The following KCNJ6 variants were observed in gnomAD, a reference collection of about 807,000 sequenced individuals.
KCNJ6 encodes G protein-activated inward rectifier potassium channel 2.
A neutral mutation model predicts 34.2 loss-of-function variants in KCNJ6; 9 were observed. That is an observed-to-expected ratio of 0.26 (90% CI 0.16 to 0.46). KCNJ6 has a LOEUF of 0.46. KCNJ6 is among the 20% of genes least tolerant of loss of function. The probability of loss-of-function intolerance (pLI) is 1.00; values close to 1 mark genes in which losing one functional copy is unlikely to be tolerated. For synonymous variants in KCNJ6, 196 were observed against 207.1 expected, an observed-to-expected ratio of 0.95 and a Z score of 0.46; for missense variants, 236 against 531.3, an observed-to-expected ratio of 0.44 and a Z score of 5.46.
At chr21:37,773,058 G>A (rs1259083222) in intron 2 of KCNJ6, among the ~76,000 whole-genome samples, 5 of 152,182 alleles carry the variant, frequency 3.3e-5, no homozygotes, top group Admixed American at 1.3e-4. Flanking sequence ...GGCAGTTCCA[G>A]GGCCTTCAGG....
At position 37,641,550 on chromosome 21, in the gene KCNJ6, C is replaced by T. The variant is rs544842053; in HGVS notation, c.947-16066G>A. On this transcript the variant is annotated intron_variant, in intron 3 of 3. Transcript: ENST00000609713. ...TAAAAATGTCTCCCTGAGGATGTGA[C>T]ATTTGAGCTAAGATTTGAAGGATGG... 4.6e-4 allele frequency among the ~76,000 whole-genome samples: 70 copies of T among 152,150 alleles called. 3 individuals carry two copies. The South Asian group carries it at 0.012, about 25-fold the overall frequency.
intron 1 of KCNJ6, among the ~76,000 whole-genome samples, chr21:37,867,418 CT>C (rs2055628151): frequency 6.6e-6 from 1 of 152,134 alleles, no homozygotes; most frequent in Non-Finnish European, 1.5e-5. Flanking sequence ...TGAAAGCAAA[CT>C]GTTTTATTTT....
At chr21:37,814,919 AC>A (rs2055339444) in intron 2 of KCNJ6, among the ~76,000 whole-genome samples, 1 of 147,726 alleles carries the variant, frequency 6.8e-6, no homozygotes, top group African/African-American at 2.6e-5. Context: ...AAAAAAAAGA[AC>A]GAGAATTTTT....
At chr21:37,896,984 GGCCAGAAGCCGGGGCTCCT>G (rs1186778683) in intron 1 of KCNJ6, among the ~76,000 whole-genome samples, 1 of 152,222 alleles carries the variant, frequency 6.6e-6, no homozygotes, top group Non-Finnish European at 1.5e-5. Flanking sequence ...TGCTGGGGAG[GGCCAGAAGCCGGGGCTCCT>G]GCCAGAGCCA....
In KCNJ6 at chr21:37,624,005, T is replaced by C. The variant is rs911281023; in HGVS notation, c.*1154A>G. 6.6e-6 allele frequency: 1 copy of C among 152,186 alleles called. No homozygotes were observed. The highest frequency in any genetic ancestry group is 2.4e-5 in the African/African-American group (1 of 41,440). 9.4% of individuals were successfully genotyped at this position (152,186 alleles called of 1,614,324 possible). ...CTTCTGCTAACTTACCATGTCTCATTGTAAGAGTGTAGAGAAACTACAGCT... is the reference window on the plus strand; with the variant it reads ...CTTCTGCTAACTTACCATGTCTCATCGTAAGAGTGTAGAGAAACTACAGCT... On this transcript the variant is annotated 3_prime_UTR_variant, in exon 4 of 4. Transcript: ENST00000609713.
At chr21:37,662,857 C>T (rs1436501042) in intron 3 of KCNJ6, among the ~76,000 whole-genome samples, 2 of 152,052 alleles carry the variant, frequency 1.3e-5, no homozygotes, top group African/African-American at 2.4e-5. Context: ...TCTTGAATGA[C>T]CAGTGATGTT....
chr21:37,697,370 A>C (rs1358278264), intron 3 of KCNJ6, among the ~76,000 whole-genome samples: 1 of 152,130 alleles, frequency 6.6e-6, no homozygotes, highest in East Asian at 1.9e-4. Context: ...TGGCTGGGGG[A>C]AAGGAGCCAT....
At position 37,735,347 on chromosome 21, in the gene KCNJ6, C is replaced by T. The variant is rs563152208; in HGVS notation, c.26-20216G>A. ...GGGATTACCTACAGACCACCCACGG[C>T]GCTTTCACCTTCACCCACTCCAGTT... On this transcript the variant is annotated intron_variant, in intron 2 of 3. Coordinates refer to ENST00000609713, the MANE Select transcript of KCNJ6 (RefSeq NM_002240.5). Among the ~76,000 whole-genome samples the T allele has an allele frequency of 1.3e-4, 20 of 152,202 alleles. 1 individual carries two copies. Among genetic ancestry groups the T allele is most frequent in the Admixed American group, 2.6e-4 (4 of 15,276 alleles).
At chr21:37,832,251 GTGCCTAAATTTCAT>G (rs1225941215) in intron 2 of KCNJ6, among the ~76,000 whole-genome samples, 1 of 151,766 alleles carries the variant, frequency 6.6e-6, no homozygotes, top group Non-Finnish European at 1.5e-5. Flanking sequence ...AGTATTTAAA[GTGCCTAAATTTCAT>G]TGGTAGGGAG....
chr21:37,888,814 G>C (rs545966695), intron 1 of KCNJ6, among the ~76,000 whole-genome samples: 1 of 152,348 alleles, frequency 6.6e-6, no homozygotes, highest in Non-Finnish European at 1.5e-5. Context: ...TGGAGTGACA[G>C]GTGGGGTGTG....
chr21:37,612,247 A>G lies in KCNJ6; in HGVS notation c.*12912T>C, dbSNP rs958106181. On this transcript the variant is annotated 3_prime_UTR_variant, in exon 4 of 4. Coordinates refer to ENST00000609713, the MANE Select transcript of KCNJ6 (RefSeq NM_002240.5). The stretch of plus-strand genomic sequence containing the variant: ...AAGTGAAATTTGAAATTAAAAGCAC[A>G]TGATTATTTAAATTAGTATCCCTTG... The G allele has an allele frequency of 1.3e-5, 2 of 152,266 alleles. No individual in the cohort carries two copies. Among genetic ancestry groups the G allele is most frequent in the African/African-American group, 4.8e-5 (2 of 41,476 alleles). 9.4% of individuals were successfully genotyped at this position (152,266 alleles called of 1,614,324 possible).
intron 3 of KCNJ6, among the ~76,000 whole-genome samples, chr21:37,631,007 G>A (rs2054331340): frequency 1.3e-5 from 2 of 152,040 alleles, no homozygotes; most frequent in Non-Finnish European, 1.5e-5. Context: ...GAACTATCGA[G>A]TTCCAGGCCA....
chr21:37,822,511 C>T (rs2835990), intron 2 of KCNJ6, among the ~76,000 whole-genome samples: 45,172 of 152,106 alleles, frequency 0.3, 7,634 homozygotes, highest in South Asian at 0.39. Context: ...TGAATGGGTA[C>T]GGGCTATTGT....
At chr21:37,827,638 A>G (rs901255606) in intron 2 of KCNJ6, among the ~76,000 whole-genome samples, 2 of 152,128 alleles carry the variant, frequency 1.3e-5, no homozygotes, top group African/African-American at 4.8e-5. Flanking sequence ...AAGTAAAACA[A>G]GGTATGGAAG....
intron 3 of KCNJ6, among the ~76,000 whole-genome samples, chr21:37,649,953 C>T (rs551330040): frequency 3.2e-4 from 48 of 147,954 alleles, no homozygotes; most frequent in African/African-American, 9.3e-4. Context: ...TTAGTAGAGA[C>T]GGGGCTTCAC....
chr21:37,889,919 C>A (rs1476474856), intron 1 of KCNJ6, among the ~76,000 whole-genome samples: 1 of 152,208 alleles, frequency 6.6e-6, no homozygotes, highest in Non-Finnish European at 1.5e-5. Flanking sequence ...TGCATAGGTA[C>A]CAGGCATTAG....
chr21:37,682,710 G>A (rs967378518), intron 3 of KCNJ6, among the ~76,000 whole-genome samples: 2 of 152,164 alleles, frequency 1.3e-5, no homozygotes, highest in African/African-American at 4.8e-5. Flanking sequence ...CCTAGGATGT[G>A]GACATATCTT....
intron 2 of KCNJ6, among the ~76,000 whole-genome samples, chr21:37,811,768 A>T (rs1312954391): frequency 6.6e-6 from 1 of 152,102 alleles, no homozygotes; most frequent in Non-Finnish European, 1.5e-5. Flanking sequence ...GGCTTAAGGG[A>T]GCTTCTTTTC....
intron 3 of KCNJ6, among the ~76,000 whole-genome samples, chr21:37,644,532 T>C (rs567275255): frequency 1.3e-5 from 2 of 152,306 alleles, no homozygotes; most frequent in South Asian, 4.1e-4. Context: ...GGTAATTTAC[T>C]TGTTGGAAGG....
Sources: gnomAD v4.1 joint callset for allele counts (sites outside exome capture counted in the v4.1 genomes callset) on GRCh38, gnomAD v4.1.1 for gene constraint, MANE v1.5 for transcripts, NCBI Gene and HGNC (gene_info 2026-07-23, HGNC 2026-07-21) for gene names.